TSHZ2: variants seen among roughly 807,000 people sequenced by gnomAD.
TSHZ2 encodes teashirt zinc finger homeobox 2, also known as teashirt homolog 2.
A neutral mutation model predicts 74.4 loss-of-function variants in TSHZ2; 21 were observed. The ratio of observed to expected loss-of-function variants is 0.28; its 90% CI spans 0.20 to 0.41. The LOEUF (loss-of-function observed/expected upper bound fraction) is 0.41, where lower values mean the gene tolerates loss of function less well. Ranked by LOEUF, TSHZ2 falls within the 10% of genes least tolerant of loss-of-function variation. The probability of loss-of-function intolerance (pLI) is 1.00; values close to 1 mark genes in which losing one functional copy is unlikely to be tolerated. For synonymous variants in TSHZ2, 540 were observed against 515.3 expected, an observed-to-expected ratio of 1.05 and a Z score of -0.65; for missense variants, 1,244 against 1,293.5, an observed-to-expected ratio of 0.96 and a Z score of 0.59.
At chr20:53,313,113 A>G (rs567315979) in intron 2 of TSHZ2, among the ~76,000 whole-genome samples, 1 of 152,380 alleles carries the variant, frequency 6.6e-6, no homozygotes, top group South Asian at 2.1e-4. Flanking sequence ...AGATTTAGAC[A>G]CAAGTAAAGC....
intron 1 of TSHZ2, among the ~76,000 whole-genome samples, chr20:53,238,660 T>A (rs1184651232): frequency 6.6e-6 from 1 of 151,852 alleles, no homozygotes; most frequent in Non-Finnish European, 1.5e-5. Context: ...ACACAGGATG[T>A]CTATATTGTT....
At chr20:53,174,129 A>G (rs1415517184) in intron 1 of TSHZ2, among the ~76,000 whole-genome samples, 2 of 152,200 alleles carry the variant, frequency 1.3e-5, no homozygotes, top group Non-Finnish European at 2.9e-5. Context: ...GTGTTGTCCT[A>G]GCTCTAACGG....
At position 53,355,434 on chromosome 20, in the gene TSHZ2, A is replaced by G. The variant is rs142727128; in HGVS notation, c.*8+98863A>G. On this transcript the variant is annotated intron_variant, in intron 2 of 2. Transcript: ENST00000371497. ...TGGAATGCTAAAGAGCAATTAATAAAAGATGAATTACTTGTTCATACTATT... is the reference window on the plus strand; with the variant it reads ...TGGAATGCTAAAGAGCAATTAATAAGAGATGAATTACTTGTTCATACTATT... 8.4e-4 allele frequency among the ~76,000 whole-genome samples: 128 copies of G among 152,346 alleles called. 1 individual carries two copies. The highest frequency in any genetic ancestry group is 3.4e-3 in the Middle Eastern group (1 of 294).
At chr20:53,116,441 T>G (rs1986669315) in intron 1 of TSHZ2, among the ~76,000 whole-genome samples, 1 of 152,188 alleles carries the variant, frequency 6.6e-6, no homozygotes, top group South Asian at 2.1e-4. Context: ...CTCTCCTGAC[T>G]ACAACCTCGC....
chr20:52,976,778 G>A (rs557955058), intron 1 of TSHZ2, among the ~76,000 whole-genome samples: 1 of 152,268 alleles, frequency 6.6e-6, no homozygotes, highest in African/African-American at 2.4e-5. Flanking sequence ...CACATCTTGT[G>A]AATATATCTT....
At chr20:53,106,513 T>A (rs1277438054) in intron 1 of TSHZ2, among the ~76,000 whole-genome samples, 1 of 145,630 alleles carries the variant, frequency 6.9e-6, no homozygotes, top group South Asian at 2.3e-4. Flanking sequence ...CACGCCATTC[T>A]CCTGCCTCAG....
At chr20:53,139,504 C>T (rs1207580179) in intron 1 of TSHZ2, among the ~76,000 whole-genome samples, 3 of 152,154 alleles carry the variant, frequency 2.0e-5, no homozygotes, top group Admixed American at 2.0e-4. Context: ...TACCAGCTGC[C>T]AGCCTGGAGT....
chr20:53,058,682 T>A (rs1394703928), intron 1 of TSHZ2, among the ~76,000 whole-genome samples: 1 of 152,200 alleles, frequency 6.6e-6, no homozygotes, highest in Non-Finnish European at 1.5e-5. Context: ...CCAAGGTTTG[T>A]GGAACAAGGC....
chr20:53,013,966 T>TC (rs1399589008), intron 1 of TSHZ2, among the ~76,000 whole-genome samples: 461 of 152,334 alleles, frequency 3.0e-3, no homozygotes, highest in African/African-American at 8.8e-3. Context: ...TTACTTTCAA[T>TC]TTCCTGCCTC....
intron 2 of TSHZ2, among the ~76,000 whole-genome samples, chr20:53,285,701 A>C (rs74344783): frequency 2.0e-5 from 3 of 149,042 alleles, no homozygotes; most frequent in Non-Finnish European, 4.4e-5. Context: ...GCAGAGCAAG[A>C]CTCCGTCTCC....
intron 2 of TSHZ2, among the ~76,000 whole-genome samples, chr20:53,356,119 A>G (rs1980837215): frequency 6.6e-6 from 1 of 152,212 alleles, no homozygotes; most frequent in Non-Finnish European, 1.5e-5. Flanking sequence ...AGACATTGAG[A>G]GATTTTAATT....
chr20:53,386,749 C>T (rs372751301), intron 2 of TSHZ2, among the ~76,000 whole-genome samples: 2 of 152,270 alleles, frequency 1.3e-5, no homozygotes. Flanking sequence ...GGCCTGCTCC[C>T]AGAAGGCGGC....
intron 2 of TSHZ2, among the ~76,000 whole-genome samples, chr20:53,323,118 C>T (rs900475955): frequency 2.6e-5 from 4 of 152,274 alleles, no homozygotes; most frequent in African/African-American, 9.6e-5. Context: ...ATGGAAAAAG[C>T]ATGTTGGCCT....
At chr20:53,429,493 G>T (rs1983764486) in intron 2 of TSHZ2, among the ~76,000 whole-genome samples, 1 of 152,182 alleles carries the variant, frequency 6.6e-6, no homozygotes, top group Admixed American at 6.5e-5. Flanking sequence ...TTTAAAAACG[G>T]GAGTTTCCCT....
intron 2 of TSHZ2, among the ~76,000 whole-genome samples, chr20:53,446,953 C>G (rs778991183): frequency 1.3e-5 from 2 of 152,170 alleles, no homozygotes; most frequent in Non-Finnish European, 2.9e-5. Flanking sequence ...AGGGCTGGAC[C>G]CCATAAGCAA....
rs538139032 is a variant in TSHZ2, at chr20:53,351,681, G to A, written c.*8+95110G>A. Among the ~76,000 whole-genome samples the A allele has an allele frequency of 1.1e-4, 17 of 152,326 alleles. No individual in the cohort carries two copies. The East Asian group carries it at 3.1e-3, about 28-fold the overall frequency. On this transcript the variant is annotated intron_variant, in intron 2 of 2. Transcript: ENST00000371497. ...GGGATTTCACAGATGTGACTAAAGT[G>A]TCAAGTCAGTTCACTTTAAAATACA...
intron 1 of TSHZ2, among the ~76,000 whole-genome samples, chr20:53,056,450 G>A (rs1984642892): frequency 6.6e-6 from 1 of 152,176 alleles, no homozygotes; most frequent in African/African-American, 2.4e-5. Context: ...TACCGTTGTC[G>A]TTATCAAGGG....
intron 2 of TSHZ2, among the ~76,000 whole-genome samples, chr20:53,368,526 G>A (rs1326307156): frequency 6.6e-6 from 1 of 152,078 alleles, no homozygotes; most frequent in African/African-American, 2.4e-5. Flanking sequence ...GGCCAAGCTG[G>A]TCTTGAACTC....
intron 2 of TSHZ2, among the ~76,000 whole-genome samples, chr20:53,436,545 A>AT (rs1430483512): frequency 0.045 from 4,555 of 101,648 alleles, 289 homozygotes; most frequent in African/African-American, 0.13. Context: ...TATTATTATT[A>AT]TTATTTTTTT....
Sources: gnomAD v4.1 joint callset for allele counts (sites outside exome capture counted in the v4.1 genomes callset) on GRCh38, gnomAD v4.1.1 for gene constraint, MANE v1.5 for transcripts, NCBI Gene and HGNC (gene_info 2026-07-23, HGNC 2026-07-21) for gene names.